Variants in ADGRV1 observed in about 807,000 individuals in gnomAD.
ADGRV1 encodes adhesion G protein-coupled receptor V1, also known as G-protein coupled receptor 98.
In ADGRV1, 359 loss-of-function variants were observed where a neutral mutation model predicts 596.2. The observed-to-expected ratio is 0.60, with a 90% CI of 0.55 to 0.66. The LOEUF (loss-of-function observed/expected upper bound fraction) is 0.66. ADGRV1 is among the 30% of genes least tolerant of loss of function. The pLI is 0.00. For synonymous variants in ADGRV1, 2,681 were observed against 2,679.2 expected (o/e 1.00, Z -0.02); for missense variants, 7,274 against 7,575.6 (o/e 0.96, Z 1.48).
At chr5:90,675,689 G>A (rs1264539319) in intron 24 of ADGRV1, among the ~76,000 whole-genome samples, 1 of 152,046 alleles carries the variant, frequency 6.6e-6, no homozygotes, top group Non-Finnish European at 1.5e-5. Flanking sequence ...TCTGGATGCT[G>A]AGGCAGGAGG....
Position 90,674,074 on chromosome 5 carries a change from T to G in ADGRV1, c.4950T>G (p.Leu1650=). 1 of 1,611,738 alleles carries G rather than the reference T, an allele frequency of 6.2e-7. No individual in the cohort carries two copies. The highest frequency in any genetic ancestry group is 1.1e-5 in the South Asian group (1 of 90,912). The change falls in exon 23 of 90, where the codon CTT becomes CTG. Residue 1650 remains leucine (L), a synonymous_variant. Transcript: ENST00000405460. Reference sequence around the variant, plus strand: ...TTTAGGTTCTGAATATATATGTTCTTGATGATGATATTCCTGAACTTAATG... The same window carrying G: ...TTTAGGTTCTGAATATATATGTTCTGGATGATGATATTCCTGAACTTAATG... ...QRSEVLNIYV[L]DDDIPELNEY... is the part of the protein sequence containing the mutation.
intron 83 of ADGRV1, among the ~76,000 whole-genome samples, chr5:90,946,904 G>C (rs969307858): frequency 6.6e-6 from 1 of 152,118 alleles, no homozygotes; most frequent in Admixed American, 6.6e-5. Flanking sequence ...TCGCAATTGT[G>C]AATAGTGCTG....
intron 19 of ADGRV1, 58 bp from the exon 20 acceptor site, chr5:90,653,147 TCACA>T: frequency 7.1e-7 from 1 of 1,405,440 alleles, no homozygotes; most frequent in Non-Finnish European, 9.5e-7. Flanking sequence ...TCTTTTTTCT[TCACA>T]TTATACTAGA....
In ADGRV1 at chr5:90,790,926, C is replaced by T. The variant is rs748482277; in HGVS notation, c.14097C>T (p.Thr4699=). ...ACATTACTGAAGACTTTCTTTCCAC[C>T]AGTGGATTTTTCACCATTGCTGATG... ...EFDITEDFLS[T]SGFFTIADGE... The change falls in exon 70 of 90, where the codon ACC becomes ACT. Residue 4699 remains threonine (T), a synonymous_variant. Coordinates refer to ENST00000405460, the MANE Select transcript of ADGRV1 (RefSeq NM_032119.4). The T allele has an allele frequency of 2.5e-6, 4 of 1,612,000 alleles. No individual in the cohort carries two copies. Among genetic ancestry groups the T allele is most frequent in the African/African-American group, 1.3e-5 (1 of 74,954 alleles).
At chr5:90,946,283 G>C (rs1418597642) in intron 83 of ADGRV1, among the ~76,000 whole-genome samples, 2 of 152,072 alleles carry the variant, frequency 1.3e-5, no homozygotes, top group African/African-American at 4.8e-5. Context: ...GATAGGGCAA[G>C]ATCATATAGG....
At chr5:90,578,436 C>A (rs540430332) in intron 1 of ADGRV1, among the ~76,000 whole-genome samples, 1 of 152,158 alleles carries the variant, frequency 6.6e-6, no homozygotes, top group Non-Finnish European at 1.5e-5. Context: ...GTATATTGAA[C>A]CAGCCTTGCA....
Position 90,704,449 on chromosome 5 carries a change from G to A in ADGRV1, c.8347G>A (p.Glu2783Lys). 1.3e-6 allele frequency: 2 copies of A among 1,580,418 alleles called. No individual in the cohort carries two copies. The highest frequency in any genetic ancestry group is 1.7e-6 in the Non-Finnish European group (2 of 1,161,334). ...LLDDNIPEEK[E>K]VYQVILYDVR... ...GGATGACAACATTCCTGAGGAGAAA[G>A]AAGTATACCAAGTCATTCTGTATGA... is the stretch of plus-strand genomic sequence containing the variant. Residue 2783 changes from glutamate to lysine, a missense_variant, in exon 36 of 90, where the codon GAA (glutamate) becomes AAA (lysine). Around this residue, in one of 5 missense-constraint regions of ADGRV1, gnomAD observed 3,643 missense variants for 3,809.2 expected, o/e 0.96. Transcript: ENST00000405460.
rs190999832 is a variant in ADGRV1 at position 90,582,329 on chromosome 5, C to G, written c.22+23412C>G. 4.2e-4 allele frequency among the ~76,000 whole-genome samples: 64 copies of G among 152,160 alleles called. 2 individuals are homozygous for G. The highest frequency in any genetic ancestry group is 2.9e-5 in the Non-Finnish European group (2 of 67,996). ...CTATTTTTGTATGGTTGTGTAAAGT[C>G]TTTTCTTAGGCCAAGAAGATATTGT... On this transcript the variant is annotated intron_variant, in intron 1 of 89. Coordinates refer to ENST00000405460, the MANE Select transcript of ADGRV1 (RefSeq NM_032119.4).
rs565518485 is a variant in ADGRV1, at chr5:90,595,993, C to G, written c.23-18842C>G. On this transcript the variant is annotated intron_variant, in intron 1 of 89. Transcript: ENST00000405460. ...GCGGAGAGGCTCCTCACTTTTCAGA[C>G]GGGGCGGCTGCCGGGCGGAGAGGCT... 8.2e-5 allele frequency among the ~76,000 whole-genome samples: 12 copies of G among 147,106 alleles called. No homozygotes were observed. In the East Asian group the frequency reaches 2.6e-3, roughly 32 times the overall value.
At chr5:90,773,498 T>G (rs561971729) in intron 59 of ADGRV1, among the ~76,000 whole-genome samples, 1 of 151,992 alleles carries the variant, frequency 6.6e-6, no homozygotes, top group Non-Finnish European at 1.5e-5. Flanking sequence ...CAATGTACTA[T>G]GAGAAAGAAG....
intron 86 of ADGRV1, among the ~76,000 whole-genome samples, chr5:91,093,914 C>T (rs1446855885): frequency 1.4e-5 from 2 of 146,360 alleles, no homozygotes; most frequent in Admixed American, 6.9e-5. Context: ...TGCAGTGGTG[C>T]GATCTCTGCT....
At chr5:90,891,815 T>C (rs1172060311) in intron 83 of ADGRV1, among the ~76,000 whole-genome samples, 2 of 151,988 alleles carry the variant, frequency 1.3e-5, no homozygotes, top group Non-Finnish European at 2.9e-5. Context: ...TCATTGCTTA[T>C]CCATGTAAAT....
intron 83 of ADGRV1, among the ~76,000 whole-genome samples, chr5:90,955,657 A>G (rs1257262082): frequency 6.6e-6 from 1 of 152,198 alleles, no homozygotes; most frequent in African/African-American, 2.4e-5. Flanking sequence ...AGGTCATGCA[A>G]CACTTTTGTA....
rs1184617390 is a variant in ADGRV1 at position 90,729,697 on chromosome 5, G to T, written c.10482G>T (p.Arg3494Ser). 2 of 1,607,492 alleles carry T rather than the reference G, an allele frequency of 1.2e-6. No individual in the cohort carries two copies. Among genetic ancestry groups the T allele is most frequent in the African/African-American group, 2.7e-5 (2 of 74,762 alleles). The change falls in exon 50 of 90, where the codon AGG becomes AGT. Residue 3494 changes from arginine to serine, a missense_variant. Physicochemically the swap from Arg to Ser is moderately radical, Grantham distance 110 (BLOSUM62 -1). Coordinates refer to ENST00000405460, the MANE Select transcript of ADGRV1 (RefSeq NM_032119.4). ...GGGAGATGGGACAGTCTTCCTTCAG[G>T]TATTTTCAGTCTGTAGATTTTGCTG... ...FIWEMGQSSF[R>S]YFQSVDFAAV...
chr5:90,656,641 A>G (rs1176270247), intron 20 of ADGRV1, among the ~76,000 whole-genome samples: 1 of 152,218 alleles, frequency 6.6e-6, no homozygotes, highest in Non-Finnish European at 1.5e-5. Context: ...GGGAGCTGTC[A>G]TGACAGTAAC....
chr5:90,631,881 C>T (rs1765545041), intron 9 of ADGRV1, among the ~76,000 whole-genome samples: 1 of 152,186 alleles, frequency 6.6e-6, no homozygotes, highest in Non-Finnish European at 1.5e-5. Context: ...AAAAAAATCT[C>T]TGACTTTATA....
intron 42 of ADGRV1, among the ~76,000 whole-genome samples, chr5:90,716,226 T>C (rs1005673625): frequency 6.6e-6 from 1 of 152,244 alleles, no homozygotes; most frequent in Non-Finnish European, 1.5e-5. Context: ...TTCTGAGAGA[T>C]ACTGCTTCAT....
At chr5:90,960,895 A>C (rs980429606) in intron 83 of ADGRV1, among the ~76,000 whole-genome samples, 1 of 152,168 alleles carries the variant, frequency 6.6e-6, no homozygotes, top group Non-Finnish European at 1.5e-5. Context: ...AGCAAGAGAA[A>C]GTGGGGCAGA....
chr5:91,118,330 A>G, intron 87 of ADGRV1, among the ~76,000 whole-genome samples: 1 of 152,134 alleles, frequency 6.6e-6, no homozygotes, highest in East Asian at 1.9e-4. Context: ...TCTTTGTGCC[A>G]CGCTATTATG....
Sources: gnomAD v4.1 joint callset for allele counts (sites outside exome capture counted in the v4.1 genomes callset) on GRCh38, gnomAD v4.1.1 for gene constraint, gnomAD v4.1.1 regional missense constraint, MANE v1.5 for transcripts, NCBI Gene and HGNC (gene_info 2026-07-23, HGNC 2026-07-21) for gene names.